SH3RF3: variants seen among roughly 807,000 people sequenced by gnomAD.
SH3RF3 encodes the protein SH3 domain containing ring finger 3, also known as E3 ubiquitin-protein ligase SH3RF3.
A neutral mutation model predicts 66.3 loss-of-function variants in SH3RF3; 29 were observed. The ratio of observed to expected loss-of-function variants is 0.44; its 90% CI spans 0.33 to 0.60. The LOEUF (loss-of-function observed/expected upper bound fraction) is 0.60, where lower values mean the gene tolerates loss of function less well. SH3RF3 is among the 20% of genes least tolerant of loss of function. The pLI, the probability that SH3RF3 is intolerant of heterozygous loss-of-function variation, is 0.04. For missense variants in SH3RF3, 1,194 were observed against 1,190.9 expected, an observed-to-expected ratio of 1.00 and a Z score of -0.04; for synonymous variants, 583 against 532.0, an observed-to-expected ratio of 1.10 and a Z score of -1.32.
intron 7 of SH3RF3, among the ~76,000 whole-genome samples, chr2:109,446,211 G>A (rs1173667873): frequency 6.6e-6 from 1 of 152,152 alleles, no homozygotes; most frequent in Admixed American, 6.5e-5. Context: ...GCTTTCTCAC[G>A]CTACAGTTTT....
intron 6 of SH3RF3, among the ~76,000 whole-genome samples, chr2:109,434,487 C>T (rs543848737): frequency 6.6e-6 from 1 of 152,360 alleles, no homozygotes; most frequent in Admixed American, 6.5e-5. Context: ...CGGGCAACTC[C>T]TGACGTGTGT....
intron 1 of SH3RF3, among the ~76,000 whole-genome samples, chr2:109,201,927 G>C (rs1678685265): frequency 6.6e-6 from 1 of 152,126 alleles, no homozygotes; most frequent in Admixed American, 6.5e-5. Flanking sequence ...AAGGACCCGT[G>C]GCATCATAAA....
intron 5 of SH3RF3, among the ~76,000 whole-genome samples, chr2:109,419,976 G>A (rs554659737): frequency 4.0e-4 from 61 of 152,328 alleles, no homozygotes; most frequent in Admixed American, 3.1e-3. Context: ...GGGGAGAGGC[G>A]GGAGGGAAGC....
intron 1 of SH3RF3, among the ~76,000 whole-genome samples, chr2:109,136,665 T>C (rs569588655): frequency 4.2e-4 from 64 of 152,182 alleles, no homozygotes; most frequent in Non-Finnish European, 8.4e-4. Context: ...CGCTCTTGGG[T>C]AGCACGTGTT....
chr2:109,166,564 G>A (rs1256204786), intron 1 of SH3RF3, among the ~76,000 whole-genome samples: 14 of 152,094 alleles, frequency 9.2e-5, no homozygotes, highest in African/African-American at 3.1e-4. Context: ...AGTCATGGAA[G>A]AGTCAGTAAG....
At chr2:109,208,587 C>T (rs72952029) in intron 1 of SH3RF3, among the ~76,000 whole-genome samples, 1,749 of 152,340 alleles carry the variant, frequency 0.011, 28 homozygotes, top group African/African-American at 0.04. Flanking sequence ...TCCCACCAAG[C>T]TCTGTTCAAG....
At chr2:109,348,606 A>G (rs572216681) in intron 2 of SH3RF3, among the ~76,000 whole-genome samples, 57 of 152,310 alleles carry the variant, frequency 3.7e-4, no homozygotes, top group African/African-American at 1.1e-3. Flanking sequence ...TGCTCGGCCA[A>G]TAAGCTCACA....
At chr2:109,466,072 CTTTTTTTTTTT>C (rs1171998206) in intron 8 of SH3RF3, among the ~76,000 whole-genome samples, 17 of 82,334 alleles carry the variant, frequency 2.1e-4, no homozygotes, top group African/African-American at 4.8e-4. Flanking sequence ...ACCTGTACAT[CTTTTTTTTTTT>C]TTTTTTTTTT....
chr2:109,129,378 G>A lies in SH3RF3; in HGVS notation c.-163G>A, dbSNP rs1676620963. ...CCCCGCCACGCAGGCCGGTCGGTGA[G>A]CCACTTCGCACCGCCACAGCCCTAG... On this transcript the variant is annotated 5_prime_UTR_variant, in exon 1 of 10. Coordinates refer to ENST00000309415, the MANE Select transcript of SH3RF3 (RefSeq NM_001099289.3). 2 of 1,155,614 alleles carry A rather than the reference G, an allele frequency of 1.7e-6. No individual in the cohort carries two copies. The highest frequency in any genetic ancestry group is 1.6e-5 in the African/African-American group (1 of 62,118). The allele number at this position is 1,155,614 out of a possible 1,614,324, so 71.6% of individuals were successfully genotyped here. A position where few individuals can be genotyped will look rare whatever the true frequency, so the allele number is the denominator to read the frequency against.
rs558658750 is a variant in SH3RF3 at position 109,348,025 on chromosome 2, C to T, written c.849+76C>T. The T allele has an allele frequency of 9.3e-6, 14 of 1,498,776 alleles. No homozygotes were observed. The East Asian group carries it at 3.2e-4, about 34-fold the overall frequency. The allele number at this position is 1,498,776 out of a possible 1,614,324, so 92.8% of individuals were successfully genotyped here. On this transcript the variant is annotated intron_variant, in intron 2 of 9. Coordinates refer to ENST00000309415, the MANE Select transcript of SH3RF3 (RefSeq NM_001099289.3). ...ACCCAGGGCTCTTCCCAGCCACAGA[C>T]CTATAGCCAGACAGTCTTTCTTCAG...
chr2:109,139,642 A>G (rs1285381515), intron 1 of SH3RF3, among the ~76,000 whole-genome samples: 1 of 152,182 alleles, frequency 6.6e-6, no homozygotes, highest in African/African-American at 2.4e-5. Context: ...TGACTTGTGT[A>G]CAGTAACAAG....
chr2:109,406,928 G>T (rs59396398), intron 4 of SH3RF3, among the ~76,000 whole-genome samples: 6,795 of 152,282 alleles, frequency 0.045, 484 homozygotes, highest in African/African-American at 0.15. Flanking sequence ...CCGTCCCCAG[G>T]TGCCACTTCC....
rs1272415907 is a variant in SH3RF3 at position 109,419,566 on chromosome 2, C to G, written c.1327C>G (p.Pro443Ala). The G allele has an allele frequency of 9.4e-6, 15 of 1,598,716 alleles. No homozygotes were observed. The South Asian group carries it at 1.6e-4, about 17-fold the overall frequency. ...QDVSSSAGSTPTAVPRAASVS... is the reference protein window; with the variant it reads ...QDVSSSAGSTATAVPRAASVS... ...TGTCTCCTCCTCGGCGGGATCTACCCCCACGGCTGTCCCACGGGCTGCCTC... is the reference window on the plus strand; with the variant it reads ...TGTCTCCTCCTCGGCGGGATCTACCGCCACGGCTGTCCCACGGGCTGCCTC... Residue 443 changes from proline (P) to alanine (A), a missense_variant, in exon 5 of 10, where the codon CCC (proline) becomes GCC (alanine). Pro to Ala is a conservative substitution (Grantham distance 27). Coordinates refer to ENST00000309415, the MANE Select transcript of SH3RF3 (RefSeq NM_001099289.3).
At chr2:109,495,798 T>G (rs1679244586) in intron 9 of SH3RF3, among the ~76,000 whole-genome samples, 1 of 152,202 alleles carries the variant, frequency 6.6e-6, no homozygotes, top group South Asian at 2.1e-4. Flanking sequence ...GCCCCCTTTC[T>G]TCATTTTTAT....
chr2:109,188,162 A>C (rs1428849939), intron 1 of SH3RF3, among the ~76,000 whole-genome samples: 4 of 152,212 alleles, frequency 2.6e-5, no homozygotes, highest in Non-Finnish European at 2.9e-5. Flanking sequence ...CAGTGTATTG[A>C]CTTCCCAAGA....
intron 1 of SH3RF3, chr2:109,251,386 T>C: frequency 1.5e-6 from 1 of 671,946 alleles, no homozygotes; most frequent in South Asian, 1.4e-5. Flanking sequence ...TGTGCATTCC[T>C]TTCCAAGGCA....
chr2:109,278,173 TC>T (rs1294066643), intron 1 of SH3RF3, among the ~76,000 whole-genome samples: 136 of 131,282 alleles, frequency 1.0e-3, no homozygotes, highest in African/African-American at 3.6e-3. Flanking sequence ...CAAGACCCAA[TC>T]TTAAAAAAAA....
At chr2:109,273,150 G>A (rs972859745) in intron 1 of SH3RF3, among the ~76,000 whole-genome samples, 2 of 152,198 alleles carry the variant, frequency 1.3e-5, no homozygotes, top group Admixed American at 1.3e-4. Flanking sequence ...TTTAAAATCC[G>A]CTGTACAGGA....
chr2:109,445,163 G>GA (rs138813352), intron 7 of SH3RF3, among the ~76,000 whole-genome samples: 2,073 of 152,310 alleles, frequency 0.014, 60 homozygotes, highest in African/African-American at 0.047. Context: ...TGAAAAATGT[G>GA]AAAGAGATGT....
Sources: gnomAD v4.1 joint callset for allele counts (sites outside exome capture counted in the v4.1 genomes callset) on GRCh38, gnomAD v4.1.1 for gene constraint, MANE v1.5 for transcripts, NCBI Gene and HGNC (gene_info 2026-07-23, HGNC 2026-07-21) for gene names.